Variants in ERAP1 observed in about 807,000 individuals in gnomAD.
ERAP1 encodes the protein adipocyte-derived leucine aminopeptidase.
A neutral mutation model predicts 103.7 loss-of-function variants in ERAP1; 86 were observed. The ratio of observed to expected loss-of-function variants is 0.83; its 90% CI spans 0.70 to 0.99. The LOEUF (loss-of-function observed/expected upper bound fraction) is 0.99. Ranked by LOEUF, ERAP1 falls within the 50% of genes least tolerant of loss-of-function variation. The pLI is 0.00. For synonymous variants in ERAP1, 398 were observed against 402.4 expected, an observed-to-expected ratio of 0.99 and a Z score of 0.13; for missense variants, 1,009 against 1,128.4, an observed-to-expected ratio of 0.89 and a Z score of 1.52.
At chr5:96,903,644 T>G in the ERAP1 span, 1 of 1,268,490 alleles carries the variant, frequency 7.9e-7, no homozygotes, top group Non-Finnish European at 1.1e-6. Flanking sequence ...ATGTTCAACA[T>G]TGGTCATTGA....
chr5:96,914,990 T>C, the ERAP1 span, among the ~76,000 whole-genome samples: 1 of 152,086 alleles, frequency 6.6e-6, no homozygotes, highest in Non-Finnish European at 1.5e-5. Context: ...CCTTAACATA[T>C]GCATATAATT....
chr5:96,801,752 T>C (rs1481620143), intron 2 of ERAP1, among the ~76,000 whole-genome samples: 1 of 144,172 alleles, frequency 6.9e-6, no homozygotes, highest in African/African-American at 2.6e-5. Flanking sequence ...CTCAGGAGGC[T>C]GAGGCAGGAG....
rs112124378 is a variant in ERAP1 at position 96,788,831 on chromosome 5, G to A, written c.1525-146C>T. 2,279 of 961,336 alleles carry A rather than the reference G, an allele frequency of 2.4e-3. 5 individuals are homozygous for A. Among genetic ancestry groups the A allele is most frequent in the Middle Eastern group, 5.6e-3 (27 of 4,828 alleles). The allele number at this position is 961,336 out of a possible 1,614,324, so 59.6% of individuals were successfully genotyped here. The stretch of plus-strand genomic sequence containing the variant: ...TTTCTGATCCCTTTCTCAGTGTGAT[G>A]TCCCCAGCCATCACACCTCCATTAG... On this transcript the variant is annotated intron_variant, in intron 10 of 18. Transcript: ENST00000443439.
chr5:96,899,876 A>G, the ERAP1 span, among the ~76,000 whole-genome samples: 1 of 152,214 alleles, frequency 6.6e-6, no homozygotes, highest in South Asian at 2.1e-4. Context: ...ACGGTTAATG[A>G]CTTTATTGAA....
At chr5:96,808,184 ATCCGTGTG>A (rs1778885859), upstream of ERAP1, 27 of 882,990 alleles carry the variant, frequency 3.1e-5, 1 homozygote, top group Admixed American at 3.2e-4. Context: ...CTGAACGCGG[ATCCGTGTG>A]TGTGTGTGTG....
chr5:96,824,351 C>A, the ERAP1 span, among the ~76,000 whole-genome samples: 2 of 152,140 alleles, frequency 1.3e-5, no homozygotes, highest in Admixed American at 1.3e-4. Context: ...TTGGTGATGT[C>A]TAATCCAGCA....
At position 96,803,587 on chromosome 5, in the gene ERAP1, T is replaced by C. The variant is rs1403967641; in HGVS notation, c.340A>G (p.Arg114Gly). The C allele has an allele frequency of 6.2e-7, 1 of 1,614,154 alleles. No individual in the cohort carries two copies. Among genetic ancestry groups the C allele is most frequent in the East Asian group, 2.2e-5 (1 of 44,888 alleles). ...ACCTGCAGGGGTTCTTCCGATAGCC[T>C]CTCTCCAGCTCCCTTCCTGAGGGTG... ...RATLRKGAGE[R>G]LSEEPLQVLE... is the part of the protein sequence containing the mutation. The change falls in exon 2 of 19, where the codon AGG becomes GGG. Residue 114 changes from arginine to glycine, a missense_variant. By Grantham distance (125) the Arg-to-Gly change is moderately radical. Transcript: ENST00000443439.
chr5:96,775,439 A>C lies in ERAP1; in HGVS notation c.*957T>G. ...GCCAAATAAGAAGCAGAGAGAGAAA[A>C]AAAATCACCTCCCTAAGAAAAGGGT... is the stretch of plus-strand genomic sequence containing the variant. On this transcript the variant is annotated 3_prime_UTR_variant, in exon 19 of 19. Transcript: ENST00000443439. 1 of 985,608 alleles carries C rather than the reference A, an allele frequency of 1.0e-6. No individual in the cohort carries two copies. Among genetic ancestry groups the C allele is most frequent in the Non-Finnish European group, 1.2e-6 (1 of 829,942 alleles). 61.1% of individuals were successfully genotyped at this position (985,608 alleles called of 1,614,324 possible).
downstream of ERAP1, chr5:96,771,590 C>T (rs549685268): frequency 3.3e-5 from 48 of 1,446,292 alleles, 1 homozygote; most frequent in South Asian, 5.7e-4. Context: ...AGGCCATCTC[C>T]TCATACTTAA....
At chr5:96,835,819 T>C in the ERAP1 span, among the ~76,000 whole-genome samples, 3 of 151,954 alleles carry the variant, frequency 2.0e-5, no homozygotes, top group Non-Finnish European at 4.4e-5. Flanking sequence ...AAAGGAGGGG[T>C]TGGACCTCTG....
chr5:96,846,726 T>C, the ERAP1 span, among the ~76,000 whole-genome samples: 1 of 151,266 alleles, frequency 6.6e-6, no homozygotes, highest in Non-Finnish European at 1.5e-5. Flanking sequence ...CCTCCCAGCA[T>C]TTTCTCCACC....
intron 18 of ERAP1, 23 bp downstream of exon 18, chr5:96,780,400 A>G (rs1240462702): frequency 2.0e-6 from 3 of 1,492,388 alleles, no homozygotes; most frequent in East Asian, 4.8e-5. Flanking sequence ...TTAAAAATAT[A>G]TATATAGATT....
At chr5:96,913,524 G>A in the ERAP1 span, 1 of 1,531,416 alleles carries the variant, frequency 6.5e-7, no homozygotes, top group East Asian at 2.3e-5. Flanking sequence ...CAAACCAAGT[G>A]TAATCAAATG....
At chr5:96,896,856 T>A in the ERAP1 span, 2 of 1,581,702 alleles carry the variant, frequency 1.3e-6, no homozygotes, top group Non-Finnish European at 1.7e-6. Context: ...TGGAGCAGTC[T>A]GTCAAATGTA....
the ERAP1 span, among the ~76,000 whole-genome samples, chr5:96,917,283 T>C: frequency 1.3e-5 from 2 of 152,028 alleles, no homozygotes; most frequent in African/African-American, 4.8e-5. Flanking sequence ...ATTTTTGTTG[T>C]TGTTGTTGTT....
At chr5:96,851,291 G>C in the ERAP1 span, among the ~76,000 whole-genome samples, 1 of 152,156 alleles carries the variant, frequency 6.6e-6, no homozygotes, top group Non-Finnish European at 1.5e-5. Flanking sequence ...AGAAGTAGGT[G>C]AACTTGGTTT....
chr5:96,903,132 T>A, the ERAP1 span, among the ~76,000 whole-genome samples: 22 of 152,190 alleles, frequency 1.4e-4, no homozygotes, highest in Non-Finnish European at 2.2e-4. Context: ...TAGACCTGCA[T>A]AGACAATTTT....
the ERAP1 span, among the ~76,000 whole-genome samples, chr5:96,915,374 G>A: frequency 6.6e-6 from 1 of 152,060 alleles, no homozygotes; most frequent in African/African-American, 2.4e-5. Context: ...TTACTGACTG[G>A]AGTATGTAGT....
upstream of ERAP1, chr5:96,808,187 C>CGTGTGTGTGTGTGTGTGTGTGTGTGTGT (rs748632954): frequency 1.3e-6 from 1 of 770,902 alleles, no homozygotes; most frequent in Non-Finnish European, 1.5e-6. Context: ...AACGCGGATC[C>CGTGTGTGTGTGTGTGTGTGTGTGTGTGT]GTGTGTGTGT....
Sources: allele counts gnomAD v4.1 joint callset (sites outside exome capture counted in the v4.1 genomes callset), GRCh38; gene constraint gnomAD v4.1.1; transcripts MANE v1.5; gene names NCBI Gene and HGNC (gene_info 2026-07-23, HGNC 2026-07-21).